The following SEC24C variants were observed in gnomAD, a reference collection of about 807,000 sequenced individuals.
SEC24C encodes protein transport protein Sec24C.
SEC24C carries 22 observed loss-of-function variants against 117.0 expected under a neutral mutation model. The observed-to-expected ratio is 0.19, with a 90% CI of 0.13 to 0.27. SEC24C has a LOEUF of 0.27. Ranked by LOEUF, SEC24C falls within the 10% of genes least tolerant of loss-of-function variation. The pLI, the probability that SEC24C is intolerant of heterozygous loss-of-function variation, is 1.00. For synonymous variants in SEC24C, 506 were observed against 529.4 expected (o/e 0.96, Z 0.61); for missense variants, 1,155 against 1,375.1 (o/e 0.84, Z 2.53).
rs2082981172 is a variant in SEC24C, at chr10:73,771,445, A to G, written c.*350A>G. On this transcript the variant is annotated 3_prime_UTR_variant, in exon 23 of 23. Coordinates refer to ENST00000345254, the MANE Select transcript of SEC24C (RefSeq NM_198597.3). ...CTTTGGACCAGTCTCCCAAGAGGAGAGGGGCAGGCAGGAAAGAGTGGGGAT... is the reference window on the plus strand; with the variant it reads ...CTTTGGACCAGTCTCCCAAGAGGAGGGGGGCAGGCAGGAAAGAGTGGGGAT... 4.4e-6 allele frequency: 1 copy of G among 225,248 alleles called. No individual in the cohort carries two copies. The highest frequency in any genetic ancestry group is 8.9e-6 in the Non-Finnish European group (1 of 112,268). The allele number at this position is 225,248 out of a possible 1,614,324, so 14.0% of individuals were successfully genotyped here.
At chr10:73,767,326 A>G (rs1170557272) in intron 14 of SEC24C, among the ~76,000 whole-genome samples, 156 bp downstream of exon 14, 2 of 152,140 alleles carry the variant, frequency 1.3e-5, no homozygotes, top group Non-Finnish European at 2.9e-5. Context: ...TCTCTACTCC[A>G]TCTGATGCCA....
At chr10:73,754,458 C>T (rs1335770240) in intron 3 of SEC24C, among the ~76,000 whole-genome samples, 3 of 152,062 alleles carry the variant, frequency 2.0e-5, no homozygotes, top group Admixed American at 6.6e-5. Context: ...AATATGATGC[C>T]GTATAACCCA....
Position 73,770,610 on chromosome 10 carries a change from C to T in SEC24C, c.3055-99C>T. On this transcript the variant is annotated intron_variant, in intron 21 of 22. Coordinates refer to ENST00000345254, the MANE Select transcript of SEC24C (RefSeq NM_198597.3). ...CAAGGGCAGTTGCTGTCATTCTTCCCAGGTTTGCCTGTTTCAGATGATGCA... is the reference window on the plus strand; with the variant it reads ...CAAGGGCAGTTGCTGTCATTCTTCCTAGGTTTGCCTGTTTCAGATGATGCA... 8 of 1,511,532 alleles carry T rather than the reference C, an allele frequency of 5.3e-6. No individual in the cohort carries two copies. In the South Asian group the frequency reaches 9.0e-5, roughly 17 times the overall value. 93.6% of individuals were successfully genotyped at this position (1,511,532 alleles called of 1,614,324 possible). A position where few individuals can be genotyped will look rare whatever the true frequency, so the allele number is the denominator to read the frequency against.
At chr10:73,754,184 G>A (rs1209730842) in intron 3 of SEC24C, among the ~76,000 whole-genome samples, 2 of 152,198 alleles carry the variant, frequency 1.3e-5, no homozygotes, top group Non-Finnish European at 2.9e-5. Flanking sequence ...GGAGGCCAAG[G>A]TGGGTGGATC....
At position 73,771,114 on chromosome 10, in the gene SEC24C, A is replaced by G; in HGVS notation, c.*19A>G. The G allele has an allele frequency of 6.2e-7, 1 of 1,611,982 alleles. No homozygotes were observed. The highest frequency in any genetic ancestry group is 8.5e-7 in the Non-Finnish European group (1 of 1,179,152). On this transcript the variant is annotated 3_prime_UTR_variant, in exon 23 of 23. Coordinates refer to ENST00000345254, the MANE Select transcript of SEC24C (RefSeq NM_198597.3). ...GAGCTAAAGCAAGTGGGTAAATGGC[A>G]TAGGGCCCAGGCTAGCTTCCAGAAA... is the stretch of plus-strand genomic sequence containing the variant.
chr10:73,768,884 G>C lies in SEC24C; in HGVS notation c.2256G>C (p.Val752=), dbSNP rs1589529586. The part of the protein sequence containing the change: ...DVQKVVGFDA[V]MRVRTSTGIR... ...AGAAGGTTGTTGGCTTTGATGCTGT[G>C]ATGCGGGTCCGGACAAGCACTGGTC... is the stretch of plus-strand genomic sequence containing the variant. Residue 752 remains valine (V), a synonymous_variant, in exon 16 of 23, where the codon GTG becomes GTC. Coordinates refer to ENST00000345254, the MANE Select transcript of SEC24C (RefSeq NM_198597.3). The C allele has an allele frequency of 6.2e-7, 1 of 1,614,176 alleles. No homozygotes were observed.
At chr10:73,752,529 C>T (rs1283594099) in intron 3 of SEC24C, among the ~76,000 whole-genome samples, 5 of 152,302 alleles carry the variant, frequency 3.3e-5, no homozygotes, top group Admixed American at 6.5e-5. Flanking sequence ...GTGTCCAGAA[C>T]ACACATTTTA....
At chr10:73,762,496 C>A (rs2082813458) in intron 6 of SEC24C, among the ~76,000 whole-genome samples, 1 of 152,106 alleles carries the variant, frequency 6.6e-6, no homozygotes, top group South Asian at 2.1e-4. Context: ...TGGAAGAGGA[C>A]AAAGTTGAAC....
Position 73,760,000 on chromosome 10 carries a change from C to T in SEC24C, c.482-18C>T, listed in dbSNP as rs1216176182. On this transcript the variant is annotated intron_variant, in intron 4 of 22. Transcript: ENST00000345254. ...AGAATGACTGGGCTTTTGACTCTAC[C>T]TTTATTCTACTTCTCAGGCCCACCA... is the stretch of plus-strand genomic sequence containing the variant. 6.5e-7 allele frequency: 1 copy of T among 1,550,254 alleles called. No homozygotes were observed. The highest frequency in any genetic ancestry group is 1.2e-5 in the South Asian group (1 of 82,896).
At chr10:73,760,963 C>A in intron 6 of SEC24C, 114 bp downstream of exon 6, 2 of 1,214,722 alleles carry the variant, frequency 1.6e-6, no homozygotes, top group African/African-American at 1.5e-5. Flanking sequence ...TTTTGTTCAT[C>A]TTCTTGGAGA....
chr10:73,765,930 C>A lies in SEC24C; in HGVS notation c.1482+15C>A. 6.2e-7 allele frequency: 1 copy of A among 1,603,542 alleles called. No individual in the cohort carries two copies. The highest frequency in any genetic ancestry group is 8.5e-7 in the Non-Finnish European group (1 of 1,170,520). On this transcript the variant is annotated intron_variant, in intron 10 of 22. Coordinates refer to ENST00000345254, the MANE Select transcript of SEC24C (RefSeq NM_198597.3). ...ATTACTGCAAGGTGAGGGAAGGTAG[C>A]ATGGGAGGAGCAGTGAGTGGAGGAT...
chr10:73,763,477 C>T lies in SEC24C; in HGVS notation c.988-13C>T. 1 of 1,542,978 alleles carries T rather than the reference C, an allele frequency of 6.5e-7. No homozygotes were observed. The highest frequency in any genetic ancestry group is 1.4e-5 in the African/African-American group (1 of 73,504). ...TTTTCTTCTGTCACCTCATTCATTG[C>T]ACTTCTCTGCAGATTCAGGTCATTG... is the stretch of plus-strand genomic sequence containing the variant. On this transcript the variant is annotated splice_polypyrimidine_tract_variant and intron_variant, in intron 6 of 22. Coordinates refer to ENST00000345254, the MANE Select transcript of SEC24C (RefSeq NM_198597.3).
chr10:73,759,631 G>T lies in SEC24C; in HGVS notation c.318G>T (p.Gly106=). The change falls in exon 4 of 23, where the codon GGG becomes GGT. Residue 106 remains glycine (G), a synonymous_variant. Coordinates refer to ENST00000345254, the MANE Select transcript of SEC24C (RefSeq NM_198597.3). ...SSTVQMQRLP[G]SQPFGSPLAP... The stretch of plus-strand genomic sequence containing the variant: ...TGCTTTCTTTTCACAGGCTGCCTGG[G>T]TCTCAGCCATTTGGGTCCCCATTGG... The T allele has an allele frequency of 6.5e-7, 1 of 1,526,982 alleles. No homozygotes were observed. The highest frequency in any genetic ancestry group is 1.4e-5 in the African/African-American group (1 of 71,908). The allele number at this position is 1,526,982 out of a possible 1,614,324, so 94.6% of individuals were successfully genotyped here.
rs1164539529 is a variant in SEC24C, at chr10:73,751,117, G to A, written c.182G>A (p.Arg61Lys). ...YQQTPPQGMS[R>K]APPSSGAPPA... ...TGTCCTTTACCCTCAGGTATGTCAAGAGCCCCACCTTCCTCGGGGGCACCT... is the reference window on the plus strand; with the variant it reads ...TGTCCTTTACCCTCAGGTATGTCAAAAGCCCCACCTTCCTCGGGGGCACCT... The change falls in exon 3 of 23, where the codon AGA (arginine) becomes AAA (lysine). Residue 61 changes from arginine (R) to lysine (K), a missense_variant. By Grantham distance (26) the Arg-to-Lys change is conservative (BLOSUM62 2). Around this residue, in one of 2 missense-constraint regions of SEC24C, gnomAD observed 396 missense variants for 382.8 expected, o/e 1.03. Transcript: ENST00000345254. 3 of 1,613,866 alleles carry A rather than the reference G, an allele frequency of 1.9e-6. No homozygotes were observed. The highest frequency in any genetic ancestry group is 1.1e-5 in the South Asian group (1 of 91,058).
Position 73,760,160 on chromosome 10 carries a change from A to G in SEC24C, c.624A>G (p.Ser208=). Residue 208 remains serine, a synonymous_variant, in exon 5 of 23, where the codon TCA becomes TCG. Coordinates refer to ENST00000345254, the MANE Select transcript of SEC24C (RefSeq NM_198597.3). ...AGACTCCCCAGCGATCTGCCCCATC[A>G]CAGGCCTCCAGCTTCACACCCCCAG... The part of the protein sequence containing the change: ...GIQTPQRSAP[S]QASSFTPPAS... The G allele has an allele frequency of 6.2e-7, 1 of 1,614,070 alleles. No individual in the cohort carries two copies. Among genetic ancestry groups the G allele is most frequent in the Non-Finnish European group, 8.5e-7 (1 of 1,179,990 alleles).
Position 73,769,352 on chromosome 10 carries a change from C to T in SEC24C, c.2430C>T (p.Ala810=), listed in dbSNP as rs1444863875. The part of the protein sequence containing the change: ...NEESGALLQC[A]LLYTSCAGQR... ...CCCTTTCTCCTTTCCCCTAGTGTGCCCTGCTTTACACCAGCTGTGCAGGGC... is the reference window on the plus strand; with the variant it reads ...CCCTTTCTCCTTTCCCCTAGTGTGCTCTGCTTTACACCAGCTGTGCAGGGC... Residue 810 remains alanine (A), a synonymous_variant, in exon 18 of 23, where the codon GCC becomes GCT. Transcript: ENST00000345254. This position sits in a 1 kb window ranked among gnomAD's most constrained non-coding sequence, Gnocchi z 4.5. 2.5e-6 allele frequency: 4 copies of T among 1,613,894 alleles called. No homozygotes were observed. The highest frequency in any genetic ancestry group is 3.4e-6 in the Non-Finnish European group (4 of 1,179,940).
At chr10:73,767,807 T>C in intron 14 of SEC24C, 30 bp from the exon 15 acceptor site, 4 of 1,555,734 alleles carry the variant, frequency 2.6e-6, no homozygotes, top group Non-Finnish European at 3.5e-6. Context: ...TATTTGAACA[T>C]TTTCTTCTCC....
At chr10:73,768,742 C>CA in intron 15 of SEC24C, 68 bp from the exon 16 acceptor site, 1 of 1,453,884 alleles carries the variant, frequency 6.9e-7, no homozygotes, top group African/African-American at 1.4e-5. Flanking sequence ...GGAAGGGGTA[C>CA]AGGGAGATTG....
At chr10:73,753,755 T>G (rs999698287) in intron 3 of SEC24C, among the ~76,000 whole-genome samples, 1 of 152,200 alleles carries the variant, frequency 6.6e-6, no homozygotes, top group African/African-American at 2.4e-5. Context: ...GTGTCTTAAG[T>G]CTATAAGCTC....
Sources: gnomAD v4.1 joint callset for allele counts (sites outside exome capture counted in the v4.1 genomes callset) on GRCh38, gnomAD v4.1.1 for gene constraint, gnomAD v4.1.1 regional missense constraint, Gnocchi (gnomAD v3.1) non-coding constraint, MANE v1.5 for transcripts, NCBI Gene and HGNC (gene_info 2026-07-23, HGNC 2026-07-21) for gene names.